Variants in CCDC68 observed in about 807,000 individuals in gnomAD.
CCDC68 encodes the protein coiled-coil domain-containing protein 68.
A neutral mutation model predicts 47.1 loss-of-function variants in CCDC68; 45 were observed. That is an observed-to-expected ratio of 0.96 (90% CI 0.75 to 1.23). CCDC68 has a LOEUF of 1.23. CCDC68 is among the 50% of genes most tolerant of loss of function. The pLI is 0.00. For missense variants in CCDC68, 353 were observed against 373.6 expected (o/e 0.94, Z 0.45); for synonymous variants, 131 against 129.5 (o/e 1.01, Z -0.08).
chr18:54,935,440 T>A (rs1290253909), intron 6 of CCDC68, among the ~76,000 whole-genome samples: 1 of 152,238 alleles, frequency 6.6e-6, no homozygotes, highest in African/African-American at 2.4e-5. Context: ...TAGCAGGCAG[T>A]AAGCTACAGT....
chr18:54,940,577 C>G (rs1465254583), intron 4 of CCDC68, among the ~76,000 whole-genome samples: 5 of 152,170 alleles, frequency 3.3e-5, no homozygotes, highest in African/African-American at 1.2e-4. Context: ...TAGGTATATA[C>G]AGCTGATGTT....
intron 8 of CCDC68, among the ~76,000 whole-genome samples, chr18:54,925,259 T>A (rs757146066): frequency 3.3e-5 from 5 of 152,196 alleles, no homozygotes; most frequent in African/African-American, 4.8e-5. Context: ...TATTCTTATA[T>A]CTCCTTGTCC....
intron 6 of CCDC68, among the ~76,000 whole-genome samples, chr18:54,936,145 A>T (rs2044339083): frequency 6.9e-6 from 1 of 145,868 alleles, no homozygotes; most frequent in South Asian, 2.1e-4. Flanking sequence ...TATAGATATT[A>T]TATATTTATT....
intron 10 of CCDC68, among the ~76,000 whole-genome samples, chr18:54,912,947 A>G (rs867871261): frequency 2.4e-4 from 36 of 152,312 alleles, no homozygotes; most frequent in Middle Eastern, 3.4e-3. Context: ...GGATTCAAAG[A>G]TCTCCCACAG....
chr18:54,933,570 T>A (rs1033347782), intron 7 of CCDC68, among the ~76,000 whole-genome samples: 2 of 152,246 alleles, frequency 1.3e-5, no homozygotes, highest in Non-Finnish European at 2.9e-5. Context: ...TTGTGCTATC[T>A]TAGTTTTGTT....
chr18:54,924,501 C>T (rs1276378985), intron 8 of CCDC68, among the ~76,000 whole-genome samples: 1 of 152,154 alleles, frequency 6.6e-6, no homozygotes, highest in Non-Finnish European at 1.5e-5. Context: ...AGAATCTCTG[C>T]CCTACCCTTT....
At chr18:54,953,758 T>C (rs2044661408) in intron 1 of CCDC68, among the ~76,000 whole-genome samples, 2 of 152,140 alleles carry the variant, frequency 1.3e-5, no homozygotes, top group African/African-American at 4.8e-5. Context: ...TAGAAGGAAA[T>C]ATACAATAAT....
intron 4 of CCDC68, among the ~76,000 whole-genome samples, chr18:54,938,772 C>G (rs2145566992): frequency 6.6e-6 from 1 of 152,354 alleles, no homozygotes; most frequent in East Asian, 1.9e-4. Context: ...ATGGCACTGC[C>G]TCTTGAATAG....
chr18:54,949,561 G>A (rs916324799), intron 1 of CCDC68, among the ~76,000 whole-genome samples: 14 of 152,200 alleles, frequency 9.2e-5, no homozygotes, highest in Admixed American at 6.5e-4. Flanking sequence ...GGACAATGAA[G>A]TCTGATTGAC....
At chr18:54,957,372 A>G (rs1249577737) in intron 1 of CCDC68, among the ~76,000 whole-genome samples, 1 of 152,208 alleles carries the variant, frequency 6.6e-6, no homozygotes, top group East Asian at 1.9e-4. Flanking sequence ...TGGATCATTT[A>G]TGTGGTCTGT....
At chr18:54,941,488 A>G (rs1280372817) in intron 3 of CCDC68, among the ~76,000 whole-genome samples, 2 of 112,948 alleles carry the variant, frequency 1.8e-5, no homozygotes, top group East Asian at 3.9e-4. Flanking sequence ...CTACCTAGTA[A>G]TTACTACAAA....
chr18:54,918,103 T>TAA, intron 9 of CCDC68, 107 bp from the exon 10 acceptor site: 1 of 560,634 alleles, frequency 1.8e-6, no homozygotes, highest in Non-Finnish European at 3.1e-6. Context: ...TTCATCAAAT[T>TAA]AAAAAAAAAA....
chr18:54,957,032 G>GA (rs1426189022), intron 1 of CCDC68, among the ~76,000 whole-genome samples: 1 of 151,964 alleles, frequency 6.6e-6, no homozygotes, highest in Non-Finnish European at 1.5e-5. Context: ...TAATTTATAG[G>GA]AAAAAATATA....
chr18:54,924,359 C>T (rs2044111834), intron 8 of CCDC68, among the ~76,000 whole-genome samples: 1 of 151,820 alleles, frequency 6.6e-6, no homozygotes, highest in Non-Finnish European at 1.5e-5. Context: ...ACCTGGGATC[C>T]AAGAAATGAC....
At chr18:54,917,309 C>T (rs1040764109) in intron 10 of CCDC68, among the ~76,000 whole-genome samples, 1 of 152,064 alleles carries the variant, frequency 6.6e-6, no homozygotes, top group Non-Finnish European at 1.5e-5. Flanking sequence ...AGAGGACATC[C>T]CAAGCCAGGA....
chr18:54,920,759 G>T (rs917697621), intron 8 of CCDC68, among the ~76,000 whole-genome samples: 6 of 152,174 alleles, frequency 3.9e-5, no homozygotes, highest in African/African-American at 1.4e-4. Context: ...ATGTAAATTA[G>T]TTCAGCCACT....
intron 7 of CCDC68, among the ~76,000 whole-genome samples, chr18:54,932,904 A>G (rs2044287959): frequency 6.6e-6 from 1 of 152,196 alleles, no homozygotes; most frequent in Non-Finnish European, 1.5e-5. Context: ...CATCTCCACA[A>G]AAAGAGACTG....
Position 54,914,454 on chromosome 18 carries a change from C to T in CCDC68, c.873+3459G>A, listed in dbSNP as rs112708614. Among the ~76,000 whole-genome samples, 326 of 152,104 alleles carry T rather than the reference C, an allele frequency of 2.1e-3. 3 individuals are homozygous for T. Among genetic ancestry groups the T allele is most frequent in the African/African-American group, 7.6e-3 (315 of 41,500 alleles). On this transcript the variant is annotated intron_variant, in intron 10 of 11. Transcript: ENST00000591504. Reference sequence around the variant, plus strand: ...CCAACATGGTGAAACCTTGTCTCTACTAAAAATACAAAAATTAGTCAGGTG... The same window carrying T: ...CCAACATGGTGAAACCTTGTCTCTATTAAAAATACAAAAATTAGTCAGGTG...
At chr18:54,911,612 C>T (rs1206662631) in intron 10 of CCDC68, among the ~76,000 whole-genome samples, 4 of 152,178 alleles carry the variant, frequency 2.6e-5, no homozygotes, top group African/African-American at 9.6e-5. Flanking sequence ...CTATTATACA[C>T]TCCAAACAAG....
Sources: allele counts gnomAD v4.1 joint callset (sites outside exome capture counted in the v4.1 genomes callset), GRCh38; gene constraint gnomAD v4.1.1; transcripts MANE v1.5; gene names NCBI Gene and HGNC (gene_info 2026-07-23, HGNC 2026-07-21).